Variants in CPQ observed in about 807,000 individuals in gnomAD.
CPQ encodes Ser-Met dipeptidase.
In CPQ, 37 loss-of-function variants were observed where a neutral mutation model predicts 45.7. The observed-to-expected ratio is 0.81, with a 90% CI of 0.62 to 1.07. The LOEUF (loss-of-function observed/expected upper bound fraction) is 1.07, where lower values mean the gene tolerates loss of function less well. Ranked by LOEUF, CPQ falls within the 50% of genes least tolerant of loss-of-function variation. CPQ has a pLI of 0.00. For missense variants in CPQ, 537 were observed against 572.9 expected (o/e 0.94, Z 0.64); for synonymous variants, 186 against 205.8 (o/e 0.90, Z 0.82).
At chr8:96,680,375 C>T (rs112336371) in intron 1 of CPQ, 3 of 152,124 alleles carry the variant, frequency 2.0e-5, no homozygotes, top group African/African-American at 7.2e-5. Flanking sequence ...ATCATGGGGG[C>T]TTGTCTTTCT....
intron 1 of CPQ, among the ~76,000 whole-genome samples, chr8:96,735,669 A>G (rs1809972965): frequency 6.6e-6 from 1 of 152,178 alleles, no homozygotes; most frequent in Admixed American, 6.5e-5. Context: ...CTAGTGGGTC[A>G]TAACATATGC....
chr8:96,698,283 C>T (rs1050278865), intron 1 of CPQ, among the ~76,000 whole-genome samples: 1 of 152,068 alleles, frequency 6.6e-6, no homozygotes, highest in Non-Finnish European at 1.5e-5. Flanking sequence ...GCTGGGAAAA[C>T]TGGATGTCCA....
rs184364999 is a variant in CPQ, at chr8:96,705,450, A to G, written c.-35+60048A>G. ...CTCTTCTATGTGGGACACCATAAAC[A>G]TTTTATTTTAAGCCTTTTGTCTATA... On this transcript the variant is annotated intron_variant, in intron 1 of 7. Coordinates refer to ENST00000220763, the MANE Select transcript of CPQ (RefSeq NM_016134.4). Among the ~76,000 whole-genome samples the G allele has an allele frequency of 2.0e-5, 3 of 152,294 alleles. No homozygotes were observed. In the East Asian group the frequency reaches 5.8e-4, roughly 29 times the overall value.
chr8:96,906,694 C>T (rs1812581984), intron 4 of CPQ, among the ~76,000 whole-genome samples: 1 of 152,006 alleles, frequency 6.6e-6, no homozygotes, highest in Non-Finnish European at 1.5e-5. Flanking sequence ...TGCTATGTGT[C>T]CTCCTGTGGT....
intron 2 of CPQ, among the ~76,000 whole-genome samples, chr8:96,827,814 G>A (rs1326845351): frequency 6.6e-6 from 1 of 151,984 alleles, no homozygotes; most frequent in Non-Finnish European, 1.5e-5. Flanking sequence ...ATAGTGATAG[G>A]CATTTCTTGT....
At chr8:97,108,472 T>C (rs1811442532) in intron 7 of CPQ, among the ~76,000 whole-genome samples, 1 of 152,244 alleles carries the variant, frequency 6.6e-6, no homozygotes, top group Non-Finnish European at 1.5e-5. Flanking sequence ...AAGAAGAATA[T>C]AACTCCTTTC....
intron 2 of CPQ, 54 bp downstream of exon 2, chr8:96,785,384 G>C: frequency 7.4e-7 from 1 of 1,353,754 alleles, no homozygotes; most frequent in African/African-American, 1.5e-5. Flanking sequence ...ATGTCCCTTG[G>C]TGTAATTGAG....
intron 7 of CPQ, among the ~76,000 whole-genome samples, chr8:97,081,182 A>C (rs1269477363): frequency 1.3e-5 from 2 of 152,152 alleles, no homozygotes; most frequent in Non-Finnish European, 2.9e-5. Context: ...AGTTACACAC[A>C]GATATTGTTT....
At chr8:97,108,733 A>G (rs913283318) in intron 7 of CPQ, among the ~76,000 whole-genome samples, 6 of 152,254 alleles carry the variant, frequency 3.9e-5, no homozygotes, top group African/African-American at 1.4e-4. Flanking sequence ...TGTTACTCAT[A>G]GAGACTGAAT....
intron 1 of CPQ, among the ~76,000 whole-genome samples, chr8:96,718,969 T>C (rs1809725345): frequency 6.6e-6 from 1 of 152,240 alleles, no homozygotes; most frequent in Non-Finnish European, 1.5e-5. Flanking sequence ...ATCCCTGAGC[T>C]AGACATAAAG....
rs927620656 is a variant in CPQ at position 96,882,645 on chromosome 8, G to A, written c.849+2640G>A. On this transcript the variant is annotated intron_variant, in intron 4 of 7. Coordinates refer to ENST00000220763, the MANE Select transcript of CPQ (RefSeq NM_016134.4). ...GAGGCTGAAGTATTTAGGCAGAGGAGTTCTTGAGAGCCAGAGGGCTGAGAT... is the reference window on the plus strand; with the variant it reads ...GAGGCTGAAGTATTTAGGCAGAGGAATTCTTGAGAGCCAGAGGGCTGAGAT... Among the ~76,000 whole-genome samples, 5 of 152,166 alleles carry A rather than the reference G, an allele frequency of 3.3e-5. No individual in the cohort carries two copies. In the South Asian group the frequency reaches 8.3e-4, roughly 25 times the overall value.
At position 96,889,156 on chromosome 8, in the gene CPQ, G is replaced by A. The variant is rs572672213; in HGVS notation, c.849+9151G>A. 1.3e-4 allele frequency among the ~76,000 whole-genome samples: 20 copies of A among 152,320 alleles called. No homozygotes were observed. The East Asian group carries it at 1.5e-3, about 12-fold the overall frequency. ...GCCAGGGCTTTGTCCTGTAGGCAGC[G>A]CGAAGGCACTGTAGAGTTTTAGCAG... On this transcript the variant is annotated intron_variant, in intron 4 of 7. Coordinates refer to ENST00000220763, the MANE Select transcript of CPQ (RefSeq NM_016134.4).
Position 96,808,149 on chromosome 8 carries a change from A to G in CPQ, c.433+22819A>G, listed in dbSNP as rs1811110004. On this transcript the variant is annotated intron_variant, in intron 2 of 7. Coordinates refer to ENST00000220763, the MANE Select transcript of CPQ (RefSeq NM_016134.4). ...TTCTATTTAGTTTTTACCAAACTAA[A>G]TGTTTATTAGTTGGTGATATTTAGG... Among the ~76,000 whole-genome samples, 4 of 152,206 alleles carry G rather than the reference A, an allele frequency of 2.6e-5. No individual in the cohort carries two copies. In the South Asian group the frequency reaches 6.2e-4, roughly 24 times the overall value.
At chr8:96,977,618 A>G (rs1305932219) in intron 5 of CPQ, among the ~76,000 whole-genome samples, 2 of 152,060 alleles carry the variant, frequency 1.3e-5, no homozygotes, top group Non-Finnish European at 2.9e-5. Context: ...ATGGGTATAT[A>G]TATATCATGG....
chr8:96,837,181 A>C (rs1189974463), intron 3 of CPQ, among the ~76,000 whole-genome samples: 1 of 151,716 alleles, frequency 6.6e-6, no homozygotes, highest in African/African-American at 2.4e-5. Context: ...TAAGAAATAA[A>C]AACGAAAATA....
chr8:97,029,026 T>C (rs1016134043), intron 5 of CPQ, among the ~76,000 whole-genome samples: 1 of 152,208 alleles, frequency 6.6e-6, no homozygotes, highest in Non-Finnish European at 1.5e-5. Flanking sequence ...ATTAAGATCA[T>C]TGAAAGACCC....
intron 7 of CPQ, among the ~76,000 whole-genome samples, chr8:97,128,678 C>G (rs1478315807): frequency 1.3e-5 from 2 of 152,170 alleles, no homozygotes; most frequent in Non-Finnish European, 2.9e-5. Flanking sequence ...GAGCGAAACT[C>G]TGTCTCAAAA....
At chr8:96,720,937 A>G (rs1459215351) in intron 1 of CPQ, among the ~76,000 whole-genome samples, 2 of 151,966 alleles carry the variant, frequency 1.3e-5, no homozygotes, top group African/African-American at 4.8e-5. Flanking sequence ...GGATGCTCCA[A>G]AGATTAATAA....
At chr8:96,861,631 C>G (rs2081729530) in intron 3 of CPQ, among the ~76,000 whole-genome samples, 1 of 152,078 alleles carries the variant, frequency 6.6e-6, no homozygotes, top group East Asian at 1.9e-4. Context: ...ACATCTAAAA[C>G]AGATGTGCCT....
Sources: allele counts gnomAD v4.1 joint callset (sites outside exome capture counted in the v4.1 genomes callset), GRCh38; gene constraint gnomAD v4.1.1; transcripts MANE v1.5; gene names NCBI Gene and HGNC (gene_info 2026-07-23, HGNC 2026-07-21).